CDH18: variants seen among roughly 807,000 people sequenced by gnomAD.
The protein encoded by CDH18 is cadherin 18.
A neutral mutation model predicts 67.9 loss-of-function variants in CDH18; 31 were observed. The ratio of observed to expected loss-of-function variants is 0.46; its 90% CI spans 0.34 to 0.62. The LOEUF (loss-of-function observed/expected upper bound fraction) is 0.62. Ranked by LOEUF, CDH18 falls within the 20% of genes least tolerant of loss-of-function variation. CDH18 has a pLI of 0.01. For synonymous variants in CDH18, 362 were observed against 347.2 expected (o/e 1.04, Z -0.48); for missense variants, 890 against 975.5 (o/e 0.91, Z 1.17).
intron 3 of CDH18, among the ~76,000 whole-genome samples, chr5:19,811,048 A>T (rs1778588668): frequency 6.7e-6 from 1 of 149,940 alleles, no homozygotes; most frequent in Non-Finnish European, 1.5e-5. Context: ...GGAAAGGGAA[A>T]GGGAAAGGAA....
At chr5:19,553,397 A>T (rs908618326) in intron 8 of CDH18, among the ~76,000 whole-genome samples, 1 of 151,732 alleles carries the variant, frequency 6.6e-6, no homozygotes, top group Non-Finnish European at 1.5e-5. Flanking sequence ...CCTAAAACTT[A>T]AAGTATAATA....
At chr5:19,990,374 A>T (rs1799913213), upstream of CDH18, among the ~76,000 whole-genome samples, 1 of 152,192 alleles carries the variant, frequency 6.6e-6, no homozygotes, top group South Asian at 2.1e-4. Context: ...TTAGGGATAC[A>T]CTTCAAAACA....
intron 2 of CDH18, among the ~76,000 whole-genome samples, chr5:20,230,364 G>A (rs913972967): frequency 3.9e-5 from 6 of 152,236 alleles, no homozygotes; most frequent in East Asian, 1.9e-4. Context: ...ACTGTGCAAT[G>A]TATTCTCAAA....
At chr5:20,358,736 G>A (rs781546153) in intron 1 of CDH18, among the ~76,000 whole-genome samples, 5 of 152,040 alleles carry the variant, frequency 3.3e-5, no homozygotes, top group Non-Finnish European at 5.9e-5. Flanking sequence ...GGATGCAGCA[G>A]ATGGCTCATT....
intron 5 of CDH18, among the ~76,000 whole-genome samples, chr5:19,684,760 T>C (rs1445268573): frequency 2.0e-5 from 3 of 152,030 alleles, no homozygotes; most frequent in Non-Finnish European, 4.4e-5. Flanking sequence ...AATATTGCCT[T>C]AAAGAATAAA....
At chr5:20,463,626 T>A (rs1407068020) in intron 1 of CDH18, among the ~76,000 whole-genome samples, 1 of 152,106 alleles carries the variant, frequency 6.6e-6, no homozygotes, top group Non-Finnish European at 1.5e-5. Context: ...ACCATCACCA[T>A]GATTCAATTA....
intron 2 of CDH18, among the ~76,000 whole-genome samples, chr5:19,946,262 T>C (rs749023160): frequency 6.6e-6 from 1 of 152,102 alleles, no homozygotes; most frequent in Non-Finnish European, 1.5e-5. Flanking sequence ...CAATGAAACA[T>C]CCTTCCGGAA....
intron 10 of CDH18, among the ~76,000 whole-genome samples, chr5:19,508,592 C>T (rs1561227332): frequency 6.6e-6 from 1 of 151,834 alleles, no homozygotes; most frequent in East Asian, 1.9e-4. Context: ...TAGACAGTTG[C>T]TATTTATAAA....
chr5:20,480,365 A>T (rs1319300082), intron 1 of CDH18, among the ~76,000 whole-genome samples: 1 of 152,214 alleles, frequency 6.6e-6, no homozygotes, highest in Non-Finnish European at 1.5e-5. Flanking sequence ...CAAGATAATA[A>T]TAGTAACAAA....
intron 1 of CDH18, among the ~76,000 whole-genome samples, chr5:20,501,443 C>CATATT (rs1754243548): frequency 1.1e-5 from 1 of 89,694 alleles, no homozygotes. Flanking sequence ...ATTTTATATA[C>CATATT]ATATATTTTA....
At chr5:19,843,287 C>T (rs1172722173) in intron 2 of CDH18, among the ~76,000 whole-genome samples, 10 of 152,164 alleles carry the variant, frequency 6.6e-5, no homozygotes, top group African/African-American at 1.4e-4. Flanking sequence ...TGGTACCCTG[C>T]GTCTCAGCCA....
intron 2 of CDH18, among the ~76,000 whole-genome samples, chr5:20,006,044 T>C (rs889768371): frequency 2.0e-5 from 3 of 151,944 alleles, no homozygotes; most frequent in Non-Finnish European, 4.4e-5. Context: ...TTCAAATCAA[T>C]ATTAAATTCA....
At chr5:19,899,846 A>T (rs1184523081) in intron 2 of CDH18, among the ~76,000 whole-genome samples, 2 of 152,162 alleles carry the variant, frequency 1.3e-5, no homozygotes, top group Non-Finnish European at 2.9e-5. Context: ...CAAAAGGACA[A>T]ATACTGCATG....
intron 1 of CDH18, among the ~76,000 whole-genome samples, chr5:20,479,258 A>G (rs1752633938): frequency 6.6e-6 from 1 of 152,128 alleles, no homozygotes; most frequent in East Asian, 1.9e-4. Context: ...ATATGTCCTT[A>G]CCAAAAGAAG....
At chr5:19,813,290 A>T (rs939139674) in intron 3 of CDH18, among the ~76,000 whole-genome samples, 26 of 152,114 alleles carry the variant, frequency 1.7e-4, no homozygotes, top group African/African-American at 6.3e-4. Flanking sequence ...AAAGTATAAT[A>T]AAAAAAATTA....
intron 2 of CDH18, among the ~76,000 whole-genome samples, chr5:20,117,966 C>A (rs1168249912): frequency 6.6e-6 from 1 of 152,134 alleles, no homozygotes; most frequent in African/African-American, 2.4e-5. Context: ...TGATGTCTAT[C>A]ATAAGGCCAC....
chr5:19,608,818 T>C (rs966816227), intron 6 of CDH18, among the ~76,000 whole-genome samples: 1 of 151,826 alleles, frequency 6.6e-6, no homozygotes, highest in South Asian at 2.1e-4. Context: ...TGGTGCAATG[T>C]AATATTGGAG....
intron 2 of CDH18, among the ~76,000 whole-genome samples, chr5:19,901,480 C>A (rs912853103): frequency 5.3e-5 from 8 of 151,982 alleles, no homozygotes; most frequent in Non-Finnish European, 1.2e-4. Flanking sequence ...GCAAAATTAG[C>A]TTTTGAGAAT....
chr5:20,137,766 T>A (rs1032578086), intron 2 of CDH18, among the ~76,000 whole-genome samples: 17 of 151,934 alleles, frequency 1.1e-4, no homozygotes, highest in Admixed American at 9.2e-4. Context: ...ACAGATGGGG[T>A]TTTGGTGTGG....
Sources: allele counts gnomAD v4.1 joint callset (sites outside exome capture counted in the v4.1 genomes callset), GRCh38; gene constraint gnomAD v4.1.1; transcripts MANE v1.5; gene names NCBI Gene and HGNC (gene_info 2026-07-23, HGNC 2026-07-21).